Variants in ARID1B observed in about 807,000 individuals in gnomAD.
ARID1B encodes the protein AT-rich interactive domain-containing protein 1B.
ARID1B carries 30 observed loss-of-function variants against 212.3 expected under a neutral mutation model. That is an observed-to-expected ratio of 0.14 (90% CI 0.11 to 0.19). The LOEUF is 0.19. ARID1B is among the 10% of genes least tolerant of loss of function. The probability of loss-of-function intolerance (pLI) is 1.00; values close to 1 mark genes in which losing one functional copy is unlikely to be tolerated. For missense variants in ARID1B, 2,891 were observed against 3,204.0 expected, an observed-to-expected ratio of 0.90 and a Z score of 2.36; for synonymous variants, 1,402 against 1,301.7, an observed-to-expected ratio of 1.08 and a Z score of -1.66.
intron 4 of ARID1B, among the ~76,000 whole-genome samples, chr6:157,034,860 A>G (rs548787269): frequency 8.7e-4 from 132 of 152,370 alleles, no homozygotes; most frequent in Middle Eastern, 3.4e-3. Context: ...TATGTAAACA[A>G]TAGTGCTTTT....
chr6:157,145,927 A>T (rs1437416638), intron 7 of ARID1B, among the ~76,000 whole-genome samples: 3 of 152,214 alleles, frequency 2.0e-5, no homozygotes, highest in African/African-American at 7.2e-5. Flanking sequence ...AGCTTAGCAC[A>T]TAGTAAATGT....
chr6:156,931,542 C>T (rs1010817975), intron 3 of ARID1B, among the ~76,000 whole-genome samples: 30 of 152,164 alleles, frequency 2.0e-4, no homozygotes, highest in African/African-American at 7.2e-4. Context: ...ACATTTGTTA[C>T]AAGAGGCCTG....
chr6:156,848,968 C>G (rs1301544727), intron 2 of ARID1B, among the ~76,000 whole-genome samples: 3 of 152,194 alleles, frequency 2.0e-5, no homozygotes, highest in East Asian at 1.9e-4. Context: ...ATTTTTGAAG[C>G]CTGTTGCCCC....
chr6:157,009,269 G>A (rs551733220), intron 4 of ARID1B, among the ~76,000 whole-genome samples: 1 of 152,328 alleles, frequency 6.6e-6, no homozygotes, highest in Non-Finnish European at 1.5e-5. Flanking sequence ...AGTAAGGAAA[G>A]TGAGGCTTCA....
chr6:157,142,371 A>T (rs1394102315), intron 7 of ARID1B, among the ~76,000 whole-genome samples: 1 of 152,202 alleles, frequency 6.6e-6, no homozygotes, highest in Non-Finnish European at 1.5e-5. Context: ...CACGCCTGTA[A>T]TCACAGCACT....
intron 5 of ARID1B, among the ~76,000 whole-genome samples, chr6:157,102,777 T>A (rs1431689957): frequency 6.6e-6 from 1 of 151,972 alleles, no homozygotes; most frequent in Admixed American, 6.6e-5. Flanking sequence ...TTATGTACTT[T>A]TAGTAGAGAC....
chr6:156,945,756 C>T (rs1307389466), intron 4 of ARID1B, among the ~76,000 whole-genome samples: 1 of 152,158 alleles, frequency 6.6e-6, no homozygotes, highest in Non-Finnish European at 1.5e-5. Context: ...CATGGTGGCC[C>T]AGCACTTTGG....
At chr6:156,945,047 C>T (rs375302526) in intron 4 of ARID1B, among the ~76,000 whole-genome samples, 4 of 150,350 alleles carry the variant, frequency 2.7e-5, no homozygotes, top group East Asian at 1.9e-4. Context: ...CTCAGCCTCC[C>T]GAGTAGCTGG....
intron 8 of ARID1B, chr6:157,150,155 T>C (rs1475645062): frequency 2.0e-5 from 3 of 152,228 alleles, no homozygotes; most frequent in South Asian, 2.1e-4. Flanking sequence ...TTGCAACTCA[T>C]AAAGCGCAAG....
chr6:157,057,064 G>C (rs940551452), intron 4 of ARID1B, among the ~76,000 whole-genome samples: 1 of 151,098 alleles, frequency 6.6e-6, no homozygotes, highest in South Asian at 2.1e-4. Context: ...GTGCAGTGGC[G>C]TGGCTCACTG....
In ARID1B at chr6:157,195,179, C is replaced by A. The variant is rs1300994314; in HGVS notation, c.4232-986C>A. 2.2e-4 allele frequency: 33 copies of A among 152,324 alleles called. 1 individual carries two copies. Among genetic ancestry groups the A allele is most frequent in the Admixed American group, 2.2e-3 (33 of 15,308 alleles). 9.4% of individuals were successfully genotyped at this position (152,324 alleles called of 1,614,324 possible). A position where few individuals can be genotyped will look rare whatever the true frequency, so the allele number is the denominator to read the frequency against. On this transcript the variant is annotated intron_variant, in intron 15 of 19. Transcript: ENST00000636930. Reference sequence around the variant, plus strand: ...GTATGATCCTCCAGTGTCTGTGGATCAGGAATCTGGCACAGTGTGACTGGG... The same window carrying A: ...GTATGATCCTCCAGTGTCTGTGGATAAGGAATCTGGCACAGTGTGACTGGG...
intron 3 of ARID1B, among the ~76,000 whole-genome samples, chr6:156,932,178 A>T (rs1791798040): frequency 1.3e-5 from 2 of 150,934 alleles, no homozygotes; most frequent in Non-Finnish European, 2.9e-5. Context: ...TACCAAACTG[A>T]AAATTTCTGA....
At chr6:157,005,175 A>G (rs1002064610) in intron 4 of ARID1B, among the ~76,000 whole-genome samples, 21 of 149,786 alleles carry the variant, frequency 1.4e-4, no homozygotes, top group Non-Finnish European at 2.5e-4. Flanking sequence ...GTTTGGAGAG[A>G]TGGAGTCTCG....
intron 3 of ARID1B, among the ~76,000 whole-genome samples, chr6:156,904,527 G>A (rs1789208626): frequency 6.6e-6 from 1 of 152,248 alleles, no homozygotes; most frequent in African/African-American, 2.4e-5. Context: ...AAGGGTGTGT[G>A]CATCTGCATT....
intron 4 of ARID1B, among the ~76,000 whole-genome samples, chr6:157,063,242 G>A (rs1448880651): frequency 1.3e-5 from 2 of 152,048 alleles, no homozygotes; most frequent in African/African-American, 4.8e-5. Context: ...AGTGTGAAAT[G>A]TTGAGTAAGG....
intron 11 of ARID1B, 83 bp downstream of exon 11, chr6:157,175,088 GC>G: frequency 8.9e-7 from 1 of 1,122,070 alleles, no homozygotes; most frequent in Non-Finnish European, 1.2e-6. Context: ...CTACTTGAAT[GC>G]TTGCTTGTTT....
rs2114971728 is a variant in ARID1B at position 156,778,352 on chromosome 6, C to T, written c.672C>T (p.Gly224=). The part of the protein sequence containing the change: ...QHPISNNNSL[G]GAGGGAPQPG... ...CCATTTCCAACAACAACAGCTTGGG[C>T]GGCGCGGGCGGCGGCGCGCCTCAGC... Residue 224 remains glycine, a synonymous_variant, in exon 1 of 20, where the codon GGC becomes GGT. Coordinates refer to ENST00000636930, the MANE Select transcript of ARID1B (RefSeq NM_001374828.1). 1 of 1,540,388 alleles carries T rather than the reference C, an allele frequency of 6.5e-7. No homozygotes were observed. Among genetic ancestry groups the T allele is most frequent in the Non-Finnish European group, 8.7e-7 (1 of 1,146,202 alleles).
chr6:157,030,634 G>T (rs1458735931), intron 4 of ARID1B, among the ~76,000 whole-genome samples: 1 of 152,150 alleles, frequency 6.6e-6, no homozygotes, highest in Non-Finnish European at 1.5e-5. Flanking sequence ...GACTGACTTT[G>T]TTTTAAATTT....
intron 4 of ARID1B, chr6:156,977,001 G>A: frequency 1.9e-6 from 1 of 513,766 alleles, no homozygotes; most frequent in South Asian, 1.5e-5. Context: ...GACAACCTCG[G>A]CTGGCATCAT....
Sources: allele counts gnomAD v4.1 joint callset (sites outside exome capture counted in the v4.1 genomes callset), GRCh38; gene constraint gnomAD v4.1.1; transcripts MANE v1.5; gene names NCBI Gene and HGNC (gene_info 2026-07-23, HGNC 2026-07-21).